EPB41: variants seen among roughly 807,000 people sequenced by gnomAD.
EPB41 encodes protein 4.1.
In EPB41, 65 loss-of-function variants were observed where a neutral mutation model predicts 108.0. That is an observed-to-expected ratio of 0.60 (90% CI 0.49 to 0.74). The LOEUF is 0.74. Ranked by LOEUF, EPB41 falls within the 30% of genes least tolerant of loss-of-function variation. The pLI is 0.00. For missense variants in EPB41, 875 were observed against 1,037.0 expected (o/e 0.84, Z 2.15); for synonymous variants, 336 against 358.9 (o/e 0.94, Z 0.72).
chr1:28,945,798 AATT>A (rs2094469022), intron 1 of EPB41, among the ~76,000 whole-genome samples: 2 of 152,228 alleles, frequency 1.3e-5, no homozygotes, highest in African/African-American at 2.4e-5. Flanking sequence ...CTAGAAAATA[AATT>A]TCCTTTCAGT....
rs771040842 is a variant in EPB41 at position 29,058,820 on chromosome 1, G to GA, written c.1918dup (p.Thr640AsnfsTer2). On this transcript the variant is annotated frameshift_variant, in exon 14 of 21. Coordinates refer to ENST00000343067, the MANE Select transcript of EPB41 (RefSeq NM_001376013.1). LOFTEE classifies it high-confidence loss of function. ...AATTATGGCAAAACAGAAGCTTGCA[G>GA]AAAAAACTGAAGATCTGATAAGAAT... The GA allele has an allele frequency of 3.9e-6, 6 of 1,547,928 alleles. No individual in the cohort carries two copies. In the East Asian group the frequency reaches 9.8e-5, roughly 25 times the overall value.
Position 29,119,319 on chromosome 1 carries a change from AAC to A in EPB41, c.*2509_*2510del, listed in dbSNP as rs1346177699. ...GTGTATGTGTGTTTGTGTGAAGAAA[AAC>A]AGACTCTGTCCAGGTAGAAATGGTG... On this transcript the variant is annotated 3_prime_UTR_variant, in exon 21 of 21. Transcript: ENST00000343067. The A allele has an allele frequency of 6.6e-6, 1 of 152,542 alleles. No individual in the cohort carries two copies. The highest frequency in any genetic ancestry group is 1.5e-5 in the Non-Finnish European group (1 of 68,010). 9.4% of individuals were successfully genotyped at this position (152,542 alleles called of 1,614,324 possible).
rs779972883 is a variant in EPB41, at chr1:29,039,383, C to G, written c.1593C>G (p.Phe531Leu). Residue 531 changes from phenylalanine (F) to leucine (L), a missense_variant, in exon 11 of 21, where the codon TTC becomes TTG. Transcript: ENST00000343067. ...SALIDRPAPH[F>L]ERTASKRASR... The stretch of plus-strand genomic sequence containing the variant: ...TAATTGACAGGCCTGCCCCACACTT[C>G]GAGCGTACAGCAAGTAAACGGGCGT... 1.9e-6 allele frequency: 3 copies of G among 1,613,990 alleles called. No homozygotes were observed. The highest frequency in any genetic ancestry group is 2.7e-5 in the African/African-American group (2 of 74,890).
chr1:29,023,864 T>C (rs2096679420), intron 7 of EPB41, among the ~76,000 whole-genome samples: 1 of 151,952 alleles, frequency 6.6e-6, no homozygotes, highest in Non-Finnish European at 1.5e-5. Flanking sequence ...AAATTCAGAC[T>C]CCATTCCTTG....
At chr1:28,954,881 C>A (rs1002257668) in intron 1 of EPB41, among the ~76,000 whole-genome samples, 2 of 152,096 alleles carry the variant, frequency 1.3e-5, no homozygotes, top group Non-Finnish European at 1.5e-5. Context: ...TCGTGTGATA[C>A]GAGTTATAAT....
intron 16 of EPB41, chr1:29,068,705 G>A (rs565789466): frequency 8.1e-7 from 1 of 1,229,634 alleles, no homozygotes; most frequent in East Asian, 3.2e-5. Context: ...CAAGGCAACT[G>A]AATTTTATAT....
intron 16 of EPB41, among the ~76,000 whole-genome samples, chr1:29,083,691 C>G (rs1361137985): frequency 6.6e-6 from 1 of 152,080 alleles, no homozygotes; most frequent in African/African-American, 2.4e-5. Flanking sequence ...ATTATACAAC[C>G]TAGGGAAATG....
chr1:29,018,540 G>C lies in EPB41; in HGVS notation c.1124+98G>C. The C allele has an allele frequency of 8.2e-7, 1 of 1,220,088 alleles. No homozygotes were observed. The allele number at this position is 1,220,088 out of a possible 1,614,324, so 75.6% of individuals were successfully genotyped here. ...TTGTTTGCCTAAGAGGGATCATGGTGCCATAGAAAGAGTCAGTTTCCTCCA... is the reference window on the plus strand; with the variant it reads ...TTGTTTGCCTAAGAGGGATCATGGTCCCATAGAAAGAGTCAGTTTCCTCCA... On this transcript the variant is annotated intron_variant, in intron 7 of 20. Transcript: ENST00000343067. This position sits in a 1 kb window ranked among gnomAD's most constrained non-coding sequence, Gnocchi z 4.4.
chr1:29,059,532 T>G (rs1646141557), intron 14 of EPB41, among the ~76,000 whole-genome samples: 2 of 152,106 alleles, frequency 1.3e-5, no homozygotes, highest in Middle Eastern at 6.8e-3. Context: ...TCCCAGCACT[T>G]CGGGAGGTCA....
intron 13 of EPB41, 79 bp downstream of exon 13, chr1:29,058,724 A>C: frequency 4.6e-6 from 7 of 1,538,156 alleles, no homozygotes; most frequent in Non-Finnish European, 6.2e-6. Context: ...CCTTTTCCTT[A>C]AAAAAATTAT....
At chr1:29,065,404 C>G in intron 16 of EPB41, 1 of 458,454 alleles carries the variant, frequency 2.2e-6, no homozygotes, top group Non-Finnish European at 3.6e-6. Flanking sequence ...AGAACTGTCT[C>G]TGCAGCTACA....
intron 16 of EPB41, among the ~76,000 whole-genome samples, chr1:29,075,342 G>A (rs1653547243): frequency 6.6e-6 from 1 of 151,876 alleles, no homozygotes; most frequent in South Asian, 2.1e-4. Context: ...GTTGAGTGTG[G>A]TATCAGGCAT....
At chr1:28,917,395 C>T (rs185768) in intron 1 of EPB41, among the ~76,000 whole-genome samples, 2 of 151,858 alleles carry the variant, frequency 1.3e-5, no homozygotes, top group African/African-American at 4.8e-5. Flanking sequence ...ATTCTCCTGG[C>T]TCAGGCTCCC....
chr1:28,980,998 C>T (rs773760995), intron 1 of EPB41, among the ~76,000 whole-genome samples: 16 of 152,116 alleles, frequency 1.1e-4, no homozygotes, highest in Non-Finnish European at 2.1e-4. Context: ...GCCTCGAACT[C>T]CTGACCTCAG....
chr1:29,069,303 T>A, intron 16 of EPB41: 1 of 1,231,622 alleles, frequency 8.1e-7, no homozygotes, highest in Non-Finnish European at 1.0e-6. Context: ...AGATAACATC[T>A]GTCTTGACTA....
chr1:29,115,695 G>A lies in EPB41; in HGVS notation c.2497-4G>A. 1.2e-6 allele frequency: 2 copies of A among 1,613,456 alleles called. No homozygotes were observed. The highest frequency in any genetic ancestry group is 1.7e-6 in the Non-Finnish European group (2 of 1,179,558). On this transcript the variant is annotated splice_polypyrimidine_tract_variant and splice_region_variant and intron_variant, in intron 19 of 20. Transcript: ENST00000343067. This position sits in a 1 kb window ranked among gnomAD's most constrained non-coding sequence, Gnocchi z 4.4. ...CTCATTGCCCTTGTTTCTGTCTTTT[G>A]TAGGTCCTTGTACAAGCCATCAAGG... is the stretch of plus-strand genomic sequence containing the variant.
Position 28,914,758 on chromosome 1 carries a change from C to G in EPB41, c.-18C>G, listed in dbSNP as rs2092462300. The stretch of plus-strand genomic sequence containing the variant: ...AGTGGCGGGCGCAGGAGCCCGGCCC[C>G]GGAGCCACCGGTGAGGCGAGGCGGC... On this transcript the variant is annotated 5_prime_UTR_variant, in exon 1 of 21. Transcript: ENST00000343067. 1 of 152,988 alleles carries G rather than the reference C, an allele frequency of 6.5e-6. No homozygotes were observed. Among genetic ancestry groups the G allele is most frequent in the African/African-American group, 2.4e-5 (1 of 41,298 alleles). 9.5% of individuals were successfully genotyped at this position (152,988 alleles called of 1,614,324 possible). A position where few individuals can be genotyped will look rare whatever the true frequency, so the allele number is the denominator to read the frequency against.
At chr1:29,047,397 A>C (rs1573036068) in intron 11 of EPB41, among the ~76,000 whole-genome samples, 1 of 146,578 alleles carries the variant, frequency 6.8e-6, no homozygotes. Flanking sequence ...CCACAAGTTC[A>C]CGCTACCGCG....
At chr1:28,969,424 G>C (rs1227296761) in intron 1 of EPB41, among the ~76,000 whole-genome samples, 1 of 151,114 alleles carries the variant, frequency 6.6e-6, no homozygotes, top group Admixed American at 6.6e-5. Flanking sequence ...GAATTTATTT[G>C]TAGTAAGCTT....
Sources: gnomAD v4.1 joint callset for allele counts (sites outside exome capture counted in the v4.1 genomes callset) on GRCh38, gnomAD v4.1.1 for gene constraint, Gnocchi (gnomAD v3.1) non-coding constraint, MANE v1.5 for transcripts, NCBI Gene and HGNC (gene_info 2026-07-23, HGNC 2026-07-21) for gene names.